Variants in KIAA0825 observed in about 807,000 individuals in gnomAD.
KIAA0825 encodes KIAA0825.
A neutral mutation model predicts 147.6 loss-of-function variants in KIAA0825; 119 were observed. The ratio of observed to expected loss-of-function variants is 0.81; its 90% CI spans 0.69 to 0.94. KIAA0825 has a LOEUF of 0.94. Among genes scored for constraint, KIAA0825 ranks in the 40% least tolerant of loss-of-function variants. The probability of loss-of-function intolerance (pLI) is 0.00; values close to 1 mark genes in which losing one functional copy is unlikely to be tolerated. For synonymous variants in KIAA0825, 470 were observed against 518.1 expected (o/e 0.91, Z 1.26); for missense variants, 1,381 against 1,472.7 (o/e 0.94, Z 1.02).
intron 20 of KIAA0825, among the ~76,000 whole-genome samples, chr5:94,343,344 A>G (rs1167782207): frequency 6.6e-6 from 1 of 152,178 alleles, no homozygotes; most frequent in African/African-American, 2.4e-5. Context: ...TGTCTTATAA[A>G]TCTTTACTAC....
At chr5:94,315,403 C>T (rs752504208) in intron 20 of KIAA0825, among the ~76,000 whole-genome samples, 3 of 151,444 alleles carry the variant, frequency 2.0e-5, no homozygotes, top group Non-Finnish European at 4.4e-5. Flanking sequence ...TTGGTTATTT[C>T]ATTTTTTAAA....
chr5:94,195,649 A>G (rs1771066706), intron 20 of KIAA0825, among the ~76,000 whole-genome samples: 1 of 151,742 alleles, frequency 6.6e-6, no homozygotes, highest in African/African-American at 2.4e-5. Context: ...AAGTGACAAG[A>G]GCTCTTTTTT....
intron 20 of KIAA0825, among the ~76,000 whole-genome samples, chr5:94,267,171 G>T: frequency 6.6e-6 from 1 of 152,158 alleles, no homozygotes; most frequent in East Asian, 1.9e-4. Flanking sequence ...GTGTTCCACT[G>T]GAGACAAATC....
intron 20 of KIAA0825, among the ~76,000 whole-genome samples, chr5:94,265,834 A>G (rs974134521): frequency 6.6e-6 from 1 of 152,188 alleles, no homozygotes; most frequent in African/African-American, 2.4e-5. Flanking sequence ...ACCTTAAAAA[A>G]TAAAAGCCAG....
intron 20 of KIAA0825, among the ~76,000 whole-genome samples, chr5:94,343,206 T>G (rs915805881): frequency 1.3e-5 from 2 of 152,188 alleles, no homozygotes; most frequent in African/African-American, 4.8e-5. Flanking sequence ...GTAAATTCAC[T>G]GAAATTCTCA....
intron 20 of KIAA0825, among the ~76,000 whole-genome samples, chr5:94,233,436 T>C (rs1774850542): frequency 6.6e-6 from 1 of 152,216 alleles, no homozygotes; most frequent in Non-Finnish European, 1.5e-5. Flanking sequence ...TAAATTTATC[T>C]CTCATTTCTT....
chr5:94,596,494 T>C (rs1785341672), intron 1 of KIAA0825, among the ~76,000 whole-genome samples: 1 of 152,130 alleles, frequency 6.6e-6, no homozygotes, highest in African/African-American at 2.4e-5. Context: ...CCTGTAGTAG[T>C]TTAAAACTGA....
intron 1 of KIAA0825, among the ~76,000 whole-genome samples, chr5:94,605,985 A>C (rs1787421018): frequency 6.6e-6 from 1 of 152,242 alleles, no homozygotes; most frequent in Non-Finnish European, 1.5e-5. Context: ...CTGTTTGCGG[A>C]TGACATGATT....
intron 1 of KIAA0825, among the ~76,000 whole-genome samples, chr5:94,599,264 T>C (rs1785883238): frequency 6.6e-6 from 1 of 152,022 alleles, no homozygotes; most frequent in African/African-American, 2.4e-5. Flanking sequence ...TTATTGGGCA[T>C]TTGTATAACT....
chr5:94,372,264 G>A (rs1028081442), intron 20 of KIAA0825, among the ~76,000 whole-genome samples: 2 of 152,176 alleles, frequency 1.3e-5, no homozygotes, highest in African/African-American at 2.4e-5. Flanking sequence ...CTGGGGTCTG[G>A]AGGATAGTGG....
At position 94,537,045 on chromosome 5, in the gene KIAA0825, C is replaced by G. The variant is rs1772174705; in HGVS notation, c.82G>C (p.Glu28Gln). The G allele has an allele frequency of 6.2e-7, 1 of 1,607,320 alleles. No individual in the cohort carries two copies. Reference protein sequence around the residue: ...LNSFPGDLEFEQIFSDIDEKI... With the variant: ...LNSFPGDLEFQQIFSDIDEKI... ...TCATCAATGTCACTGAAGATCTGCTCAAACTCCAAGTCTCCAGGAAATGAG... is the reference window on the plus strand; with the variant it reads ...TCATCAATGTCACTGAAGATCTGCTGAAACTCCAAGTCTCCAGGAAATGAG... Residue 28 changes from glutamate to glutamine, a missense_variant, in exon 3 of 21, where the codon GAG (glutamate) becomes CAG (glutamine). Coordinates refer to ENST00000682413, the MANE Select transcript of KIAA0825 (RefSeq NM_001145678.3).
chr5:94,296,159 G>A (rs1396340376), intron 20 of KIAA0825, among the ~76,000 whole-genome samples: 1 of 152,114 alleles, frequency 6.6e-6, no homozygotes, highest in Non-Finnish European at 1.5e-5. Context: ...GCTGAGCTGC[G>A]GGGGTTCCAC....
rs558892217 is a variant in KIAA0825, at chr5:94,547,536, G to C, written c.-1-10409C>G. Among the ~76,000 whole-genome samples, 3 of 152,162 alleles carry C rather than the reference G, an allele frequency of 2.0e-5. No homozygotes were observed. In the South Asian group the frequency reaches 6.2e-4, roughly 32 times the overall value. ...GTGGATTGCCAGGTCAGGGGTTCAA[G>C]ACCAGCCTGGCCAACATGGTGAAAC... is the stretch of plus-strand genomic sequence containing the variant. On this transcript the variant is annotated intron_variant, in intron 2 of 20. Coordinates refer to ENST00000682413, the MANE Select transcript of KIAA0825 (RefSeq NM_001145678.3).
chr5:94,444,077 G>C (rs1757436286), intron 13 of KIAA0825, among the ~76,000 whole-genome samples: 1 of 152,092 alleles, frequency 6.6e-6, no homozygotes, highest in Non-Finnish European at 1.5e-5. Context: ...AAACTACATA[G>C]ATCTGAGAGA....
rs543798913 is a variant in KIAA0825 at position 94,427,871 on chromosome 5, G to A, written c.2498-10506C>T. Among the ~76,000 whole-genome samples the A allele has an allele frequency of 2.6e-5, 4 of 152,126 alleles. No individual in the cohort carries two copies. In the East Asian group the frequency reaches 7.7e-4, roughly 29 times the overall value. Reference sequence around the variant, plus strand: ...AACCTGGGTGCTTGTTTTGTGTTTTGTGAACCTGGGTGCTCCAATGTTGAG... The same window carrying A: ...AACCTGGGTGCTTGTTTTGTGTTTTATGAACCTGGGTGCTCCAATGTTGAG... On this transcript the variant is annotated intron_variant, in intron 14 of 20. Transcript: ENST00000682413.
intron 5 of KIAA0825, among the ~76,000 whole-genome samples, chr5:94,486,283 TGTATAGG>T (rs1763048966): frequency 6.6e-6 from 1 of 152,032 alleles, no homozygotes; most frequent in South Asian, 2.1e-4. Context: ...ATTCAAAAAC[TGTATAGG>T]GTCTGACAAT....
chr5:94,210,901 G>A (rs1772649118), intron 20 of KIAA0825, among the ~76,000 whole-genome samples: 1 of 152,154 alleles, frequency 6.6e-6, no homozygotes, highest in South Asian at 2.1e-4. Context: ...AAGATGTAGT[G>A]TACAAGTAAA....
intron 20 of KIAA0825, among the ~76,000 whole-genome samples, chr5:94,321,736 T>C (rs1299783533): frequency 1.3e-5 from 2 of 151,974 alleles, no homozygotes; most frequent in African/African-American, 2.4e-5. Flanking sequence ...ATGTTGGTCA[T>C]GGTAAACAGT....
intron 20 of KIAA0825, among the ~76,000 whole-genome samples, chr5:94,237,831 G>C (rs1775139989): frequency 6.6e-6 from 1 of 152,182 alleles, no homozygotes; most frequent in Non-Finnish European, 1.5e-5. Context: ...AAAAGTGAAT[G>C]TCCTAAGTAG....
Sources: allele counts gnomAD v4.1 joint callset (sites outside exome capture counted in the v4.1 genomes callset), GRCh38; gene constraint gnomAD v4.1.1; transcripts MANE v1.5; gene names NCBI Gene and HGNC (gene_info 2026-07-23, HGNC 2026-07-21).